The following MAPK10 variants were observed in gnomAD, a reference collection of about 807,000 sequenced individuals.
MAPK10 encodes the protein mitogen-activated protein kinase 10.
A neutral mutation model predicts 59.3 loss-of-function variants in MAPK10; 25 were observed. The ratio of observed to expected loss-of-function variants is 0.42; its 90% CI spans 0.31 to 0.59. The LOEUF is 0.59. Ranked by LOEUF, MAPK10 falls within the 20% of genes least tolerant of loss-of-function variation. The pLI is 0.15. For missense variants in MAPK10, 351 were observed against 568.9 expected, an observed-to-expected ratio of 0.62 and a Z score of 3.90; for synonymous variants, 190 against 200.5, an observed-to-expected ratio of 0.95 and a Z score of 0.44.
At chr4:86,373,186 TG>T (rs1739179138) in intron 1 of MAPK10, among the ~76,000 whole-genome samples, 1 of 152,164 alleles carries the variant, frequency 6.6e-6, no homozygotes, top group Non-Finnish European at 1.5e-5. Context: ...TAAACGACGT[TG>T]GGAAAACTGG....
chr4:86,491,738 T>C (rs1230520058), intron 1 of MAPK10, among the ~76,000 whole-genome samples: 1 of 152,232 alleles, frequency 6.6e-6, no homozygotes, highest in Non-Finnish European at 1.5e-5. Context: ...AACAAGTGTT[T>C]GTTAGTTGTT....
upstream of MAPK10, among the ~76,000 whole-genome samples, chr4:86,455,784 A>C (rs894558556): frequency 1.4e-4 from 22 of 152,196 alleles, no homozygotes; most frequent in African/African-American, 5.3e-4. Flanking sequence ...AATGGATTTA[A>C]ACTATGCACT....
chr4:86,358,916 TAGG>T (rs766519078), intron 1 of MAPK10: 1 of 152,098 alleles, frequency 6.6e-6, no homozygotes, highest in Non-Finnish European at 1.5e-5. Flanking sequence ...CTGCTGTGAC[TAGG>T]AGATCACTTT....
chr4:86,151,401 C>T (rs1207293021), intron 4 of MAPK10, among the ~76,000 whole-genome samples: 1 of 152,126 alleles, frequency 6.6e-6, no homozygotes, highest in Non-Finnish European at 1.5e-5. Flanking sequence ...GGTTGCTGAG[C>T]AGGAACAAGG....
Position 86,406,845 on chromosome 4 carries a change from G to T in MAPK10, c.-122+46185C>A, listed in dbSNP as rs1445317741. Among the ~76,000 whole-genome samples the T allele has an allele frequency of 1.1e-4, 16 of 152,296 alleles. No individual in the cohort carries two copies. In the South Asian group the frequency reaches 3.3e-3, roughly 32 times the overall value. On this transcript the variant is annotated intron_variant, in intron 1 of 13. Coordinates refer to the MAPK10 transcript ENST00000361569. ...CAACTGCACAGCCCAGTGGTGGCAG[G>T]CTGGGCAGGAAAACTGCAACCACTT... is the stretch of plus-strand genomic sequence containing the variant.
chr4:86,169,485 G>T (rs1264467985), intron 3 of MAPK10, among the ~76,000 whole-genome samples: 1 of 152,136 alleles, frequency 6.6e-6, no homozygotes, highest in Admixed American at 6.6e-5. Context: ...TGAAATGAAT[G>T]AAATGAAGCA....
intron 11 of MAPK10, among the ~76,000 whole-genome samples, chr4:86,040,145 A>G (rs1002826976): frequency 6.6e-6 from 1 of 152,218 alleles, no homozygotes; most frequent in Non-Finnish European, 1.5e-5. Context: ...AAAAAATACA[A>G]AAATCTCCCA....
intron 2 of MAPK10, among the ~76,000 whole-genome samples, chr4:86,334,872 A>G (rs1398205401): frequency 6.6e-6 from 1 of 152,218 alleles, no homozygotes; most frequent in Non-Finnish European, 1.5e-5. Context: ...ACTATGAAAG[A>G]AAATGTCTGT....
intron 2 of MAPK10, among the ~76,000 whole-genome samples, chr4:86,328,038 G>A (rs182595986): frequency 6.6e-6 from 1 of 152,228 alleles, no homozygotes; most frequent in Admixed American, 6.5e-5. Context: ...TTCAGGTGTT[G>A]CCACTGTGAT....
intron 1 of MAPK10, among the ~76,000 whole-genome samples, chr4:86,442,743 C>A (rs1042619122): frequency 6.6e-6 from 1 of 152,070 alleles, no homozygotes; most frequent in African/African-American, 2.4e-5. Flanking sequence ...CCAGTACATT[C>A]CTTTACCTGT....
At chr4:86,135,379 CT>C (rs2061805872) in intron 4 of MAPK10, among the ~76,000 whole-genome samples, 1 of 152,220 alleles carries the variant, frequency 6.6e-6, no homozygotes, top group Non-Finnish European at 1.5e-5. Context: ...TCCCTGACCC[CT>C]GACCCCCGAG....
intron 2 of MAPK10, among the ~76,000 whole-genome samples, chr4:86,216,923 G>A (rs1382824587): frequency 6.6e-6 from 1 of 151,950 alleles, no homozygotes; most frequent in East Asian, 1.9e-4. Flanking sequence ...TTTTAATAAG[G>A]TGAAATATTA....
intron 2 of MAPK10, among the ~76,000 whole-genome samples, chr4:86,247,650 TG>T: frequency 1.4e-5 from 1 of 72,852 alleles, no homozygotes; most frequent in Non-Finnish European, 2.4e-5. Flanking sequence ...TGTGTGTAGT[TG>T]TGTGTGTGTG....
chr4:86,304,373 G>C (rs557681204), intron 2 of MAPK10, among the ~76,000 whole-genome samples: 3,194 of 141,032 alleles, frequency 0.023, 109 homozygotes, highest in African/African-American at 0.08. Flanking sequence ...ATTGTGGCTT[G>C]TTTTGGAGTA....
chr4:86,583,822 A>G (rs1452586899), intron 1 of MAPK10, among the ~76,000 whole-genome samples: 1 of 152,332 alleles, frequency 6.6e-6, no homozygotes, highest in African/African-American at 2.4e-5. Context: ...AGTAGGTAAC[A>G]GTGCTTTAAA....
At chr4:86,056,352 T>C (rs2044542435) in intron 11 of MAPK10, among the ~76,000 whole-genome samples, 2 of 150,384 alleles carry the variant, frequency 1.3e-5, no homozygotes, top group East Asian at 3.8e-4. Flanking sequence ...AAATTCATAT[T>C]CATTGTAGCT....
At chr4:86,262,410 C>T (rs1016958167) in intron 2 of MAPK10, among the ~76,000 whole-genome samples, 3 of 152,128 alleles carry the variant, frequency 2.0e-5, no homozygotes, top group Non-Finnish European at 4.4e-5. Context: ...GTTGTAGCCG[C>T]ATAAAGCAGA....
At chr4:86,523,018 T>G (rs1488463561) in intron 1 of MAPK10, among the ~76,000 whole-genome samples, 1 of 152,252 alleles carries the variant, frequency 6.6e-6, no homozygotes, top group Non-Finnish European at 1.5e-5. Context: ...TTCTCCAGTT[T>G]GTGTCCTTTT....
At chr4:86,552,380 C>T (rs767782124) in intron 1 of MAPK10, among the ~76,000 whole-genome samples, 5 of 149,818 alleles carry the variant, frequency 3.3e-5, no homozygotes, top group Non-Finnish European at 7.4e-5. Context: ...AAGACTGCAC[C>T]ACTGTAGTCC....
Sources: allele counts gnomAD v4.1 joint callset (sites outside exome capture counted in the v4.1 genomes callset), GRCh38; gene constraint gnomAD v4.1.1; transcripts MANE v1.5; gene names NCBI Gene and HGNC (gene_info 2026-07-23, HGNC 2026-07-21).